TTC6: variants seen among roughly 807,000 people sequenced by gnomAD.
TTC6 encodes the protein tetratricopeptide repeat protein 6.
TTC6 carries 172 observed loss-of-function variants against 210.4 expected under a neutral mutation model. The ratio of observed to expected loss-of-function variants is 0.82; its 90% CI spans 0.72 to 0.93. The LOEUF (loss-of-function observed/expected upper bound fraction) is 0.93, where lower values mean the gene tolerates loss of function less well. TTC6 is among the 40% of genes least tolerant of loss of function. The probability of loss-of-function intolerance (pLI) is 0.00; values close to 1 mark genes in which losing one functional copy is unlikely to be tolerated. For missense variants in TTC6, 2,414 were observed against 2,318.1 expected, an observed-to-expected ratio of 1.04 and a Z score of -0.85; for synonymous variants, 804 against 819.6, an observed-to-expected ratio of 0.98 and a Z score of 0.32.
chr14:37,716,829 A>G (rs1397105885), intron 6 of TTC6, among the ~76,000 whole-genome samples: 1 of 152,122 alleles, frequency 6.6e-6, no homozygotes, highest in Non-Finnish European at 1.5e-5. Flanking sequence ...AATTTATAGA[A>G]CACTGTACCC....
chr14:37,836,818 G>C (rs755609848), intron 29 of TTC6, among the ~76,000 whole-genome samples: 10 of 151,982 alleles, frequency 6.6e-5, no homozygotes, highest in East Asian at 1.9e-4. Flanking sequence ...TAGGAGGAAG[G>C]GTCCCTCATC....
intron 14 of TTC6, among the ~76,000 whole-genome samples, chr14:37,757,103 T>C (rs2095970299): frequency 6.6e-6 from 1 of 152,184 alleles, no homozygotes; most frequent in South Asian, 2.1e-4. Context: ...CAGGAATTTA[T>C]CCATTTCTTC....
At chr14:37,678,039 CATAT>C (rs1342458319) in intron 1 of TTC6, among the ~76,000 whole-genome samples, 2 of 151,996 alleles carry the variant, frequency 1.3e-5, no homozygotes, top group Non-Finnish European at 2.9e-5. Flanking sequence ...GGTTATGTAT[CATAT>C]ATTTGTGCTT....
chr14:37,701,369 C>G, exon 5 of TTC6: 2 of 1,491,780 alleles, frequency 1.3e-6, no homozygotes, highest in Non-Finnish European at 1.8e-6. Context: ...CCTTCATGAT[C>G]TGTGCACCAC....
Position 37,808,857 on chromosome 14 carries a change from C to G in TTC6, c.4569+11C>G, listed in dbSNP as rs777506159. 1 of 1,338,974 alleles carries G rather than the reference C, an allele frequency of 7.5e-7. No individual in the cohort carries two copies. The highest frequency in any genetic ancestry group is 2.1e-5 in the Admixed American group (1 of 46,946). 82.9% of individuals were successfully genotyped at this position (1,338,974 alleles called of 1,614,324 possible). ...AGGGAACTTCAAATGGTAAGATGAC[C>G]ATTTTAGTAAACAATGTGTTTAAAG... On this transcript the variant is annotated intron_variant, in intron 24 of 30. Coordinates refer to ENST00000553443, the Ensembl canonical transcript of TTC6.
At chr14:37,838,542 TA>T (rs1251545727) in intron 29 of TTC6, among the ~76,000 whole-genome samples, 1 of 152,216 alleles carries the variant, frequency 6.6e-6, no homozygotes. Context: ...CTCTTTTTTA[TA>T]CCTTTTTATG....
At chr14:37,796,807 A>G (rs769931397) in exon 20 of TTC6, 25 of 1,606,424 alleles carry the variant, frequency 1.6e-5, no homozygotes, top group Admixed American at 8.5e-5. Context: ...GTTGAGTCCT[A>G]TGCAGCAAGC....
intron 1 of TTC6, among the ~76,000 whole-genome samples, chr14:37,678,521 C>T (rs1252240724): frequency 2.0e-5 from 3 of 152,206 alleles, no homozygotes; most frequent in African/African-American, 7.2e-5. Context: ...CATCTCCACA[C>T]TGTTCCTTAC....
chr14:37,704,839 GA>G (rs1165943595), intron 5 of TTC6, among the ~76,000 whole-genome samples: 1 of 151,600 alleles, frequency 6.6e-6, no homozygotes, highest in Non-Finnish European at 1.5e-5. Flanking sequence ...GTTTCCTTTG[GA>G]AAAAATTAAA....
chr14:37,799,545 A>G (rs1479447080), intron 20 of TTC6, among the ~76,000 whole-genome samples: 1 of 152,126 alleles, frequency 6.6e-6, no homozygotes, highest in Non-Finnish European at 1.5e-5. Flanking sequence ...CCAACAGAGT[A>G]TGGGAAAGAT....
At chr14:37,651,326 C>T (rs1422177938) in intron 1 of TTC6, among the ~76,000 whole-genome samples, 11 of 140,474 alleles carry the variant, frequency 7.8e-5, no homozygotes, top group African/African-American at 2.9e-4. Context: ...TTTAAATAAC[C>T]ATAGTCAGGC....
At chr14:37,804,800 G>A (rs746348990) in exon 21 of TTC6, 2 of 1,613,782 alleles carry the variant, frequency 1.2e-6, no homozygotes, top group Non-Finnish European at 1.7e-6. Flanking sequence ...CATGGAGGAA[G>A]GCAATTTACA....
At chr14:37,780,915 G>A (rs544302282) in intron 14 of TTC6, among the ~76,000 whole-genome samples, 6 of 151,956 alleles carry the variant, frequency 3.9e-5, no homozygotes, top group Non-Finnish European at 8.8e-5. Context: ...TGCTAAGAAC[G>A]ATGATTTCCA....
At chr14:37,812,167 C>T in intron 24 of TTC6, 147 bp from the exon 27 acceptor site, 1 of 784,882 alleles carries the variant, frequency 1.3e-6, no homozygotes, top group Non-Finnish European at 2.0e-6. Context: ...CCCTTTAAAT[C>T]TAACATATGA....
At chr14:37,722,792 C>T (rs2095864394) in intron 6 of TTC6, among the ~76,000 whole-genome samples, 1 of 152,150 alleles carries the variant, frequency 6.6e-6, no homozygotes, top group African/African-American at 2.4e-5. Context: ...GTAGTGTTTA[C>T]CAGGTTTCTT....
intron 5 of TTC6, among the ~76,000 whole-genome samples, chr14:37,714,245 A>G (rs2095848964): frequency 6.6e-6 from 1 of 152,190 alleles, no homozygotes; most frequent in Non-Finnish European, 1.5e-5. Flanking sequence ...AGGGAGAACC[A>G]TAATGTGAGA....
chr14:37,630,543 G>C (rs1476478127), intron 1 of TTC6, among the ~76,000 whole-genome samples: 1 of 152,186 alleles, frequency 6.6e-6, no homozygotes, highest in Non-Finnish European at 1.5e-5. Flanking sequence ...ATGCTGGGAA[G>C]AATGTATATA....
exon 11 of TTC6, chr14:37,749,224 T>C: frequency 3.3e-6 from 5 of 1,530,882 alleles, no homozygotes; most frequent in Non-Finnish European, 4.4e-6. Flanking sequence ...TAAAATTAAA[T>C]GATTATGTGG....
At chr14:37,680,538 G>A (rs1203365337) in intron 2 of TTC6, among the ~76,000 whole-genome samples, 1 of 152,252 alleles carries the variant, frequency 6.6e-6, no homozygotes, top group Middle Eastern at 3.4e-3. Context: ...GATCTAGAAG[G>A]TAGGTGGATA....
Sources: allele counts gnomAD v4.1 joint callset (sites outside exome capture counted in the v4.1 genomes callset), GRCh38; gene constraint gnomAD v4.1.1; transcripts MANE v1.5; gene names NCBI Gene and HGNC (gene_info 2026-07-23, HGNC 2026-07-21).